Variants in CLSPN observed in about 807,000 individuals in gnomAD.
CLSPN encodes the protein claspin, also known as claspin homolog.
CLSPN carries 85 observed loss-of-function variants against 156.3 expected under a neutral mutation model. The observed-to-expected ratio is 0.54, with a 90% CI of 0.46 to 0.65. CLSPN has a LOEUF of 0.65. CLSPN is among the 30% of genes least tolerant of loss of function. CLSPN has a pLI of 0.00. For missense variants in CLSPN, 1,407 were observed against 1,554.9 expected, an observed-to-expected ratio of 0.90 and a Z score of 1.60; for synonymous variants, 534 against 542.4, an observed-to-expected ratio of 0.98 and a Z score of 0.22.
chr1:35,740,062 C>T (rs1398885970), intron 18 of CLSPN, among the ~76,000 whole-genome samples: 1 of 152,176 alleles, frequency 6.6e-6, no homozygotes, highest in Non-Finnish European at 1.5e-5. Flanking sequence ...AGCCAGAAAA[C>T]TCTTAATCTC....
In CLSPN at chr1:35,762,070, C is replaced by G; in HGVS notation, c.823G>C (p.Glu275Gln). Residue 275 changes from glutamate to glutamine, a missense_variant and splice_region_variant, in exon 6 of 25, where the codon GAA (glutamate) becomes CAA (glutamine). Physicochemically the swap from Glu to Gln is conservative, Grantham distance 29. This residue lies in a region of CLSPN where 1,096 missense variants were observed against 1,193.0 expected (regional missense o/e 0.92). Transcript: ENST00000318121. ...TTACTTAATCTGGCTGCCTTTCTTT[C>G]CTTAAAGAAAACAAGAAGTGAGACT... ...SELSKGTTRK[E>Q]RKAARLSKEA... is the part of the protein sequence containing the mutation. The G allele has an allele frequency of 6.2e-7, 1 of 1,603,350 alleles. No individual in the cohort carries two copies. Among genetic ancestry groups the G allele is most frequent in the Non-Finnish European group, 8.5e-7 (1 of 1,170,768 alleles).
exon 25 of CLSPN, chr1:35,720,774 T>C: frequency 1.5e-6 from 1 of 661,108 alleles, no homozygotes; most frequent in African/African-American, 1.8e-5. Flanking sequence ...GGCTCTCAGC[T>C]TTGGTGATCT....
At chr1:35,722,756 T>C (rs1455336837) in intron 24 of CLSPN, among the ~76,000 whole-genome samples, 2 of 151,964 alleles carry the variant, frequency 1.3e-5, no homozygotes, top group Non-Finnish European at 2.9e-5. Flanking sequence ...CTCAGCCTCC[T>C]GAGTAGCTGA....
intron 24 of CLSPN, among the ~76,000 whole-genome samples, chr1:35,723,327 A>T (rs1479187078): frequency 6.6e-6 from 1 of 152,224 alleles, no homozygotes. Context: ...CCAATGATGG[A>T]CAGCGGGTAA....
At chr1:35,757,642 A>G (rs1247937553) in intron 8 of CLSPN, among the ~76,000 whole-genome samples, 1 of 152,190 alleles carries the variant, frequency 6.6e-6, no homozygotes, top group East Asian at 1.9e-4. Context: ...GGTACTCAAA[A>G]AATGTTTCTC....
rs747245369 is a variant in CLSPN, at chr1:35,763,260, A to G, written c.644T>C (p.Phe215Ser). ...ATTTTCATCCTCCAACCCAGTTTCA[A>G]AAAGGTCTTTATCCACAAGAAGACA... ...SGCLLVDKDL[F>S]ETGLEDENNS... The change falls in exon 4 of 25, where the codon TTT becomes TCT. Residue 215 changes from phenylalanine to serine, a missense_variant. Transcript: ENST00000318121. The G allele has an allele frequency of 3.7e-6, 6 of 1,609,110 alleles. No individual in the cohort carries two copies. Among genetic ancestry groups the G allele is most frequent in the Admixed American group, 3.4e-5 (2 of 58,926 alleles).
At chr1:35,758,173 G>GTT (rs781405427) in intron 8 of CLSPN, among the ~76,000 whole-genome samples, 62 of 140,684 alleles carry the variant, frequency 4.4e-4, no homozygotes, top group Admixed American at 1.6e-3. Flanking sequence ...ATTTTTTTGT[G>GTT]TTTTTTTTTT....
intron 8 of CLSPN, among the ~76,000 whole-genome samples, 171 bp downstream of exon 8, chr1:35,760,171 T>C (rs1642424372): frequency 6.6e-6 from 1 of 152,170 alleles, no homozygotes; most frequent in African/African-American, 2.4e-5. Flanking sequence ...ATCATTCTGA[T>C]ACCCTGCCAA....
Position 35,726,063 on chromosome 1 carries a change from C to A in CLSPN, c.3910-5083G>T, listed in dbSNP as rs71649787. 2.9e-5 allele frequency among the ~76,000 whole-genome samples: 4 copies of A among 137,350 alleles called. No homozygotes were observed. The Admixed American group carries it at 3.3e-4, about 11-fold the overall frequency. The allele number at this position is 137,350 out of a possible 152,430, so 90.1% of individuals were successfully genotyped here. ...GCCTTAAATTCAGGCAAGCATCGTT[C>A]TTTGAGTTGGTTGCACCCAAACTCA... On this transcript the variant is annotated intron_variant, in intron 24 of 24. Transcript: ENST00000251195.
At position 35,747,913 on chromosome 1, in the gene CLSPN, G is replaced by C. The variant is rs1325872107; in HGVS notation, c.2621C>G (p.Ala874Gly). 27 of 1,613,130 alleles carry C rather than the reference G, an allele frequency of 1.7e-5. No individual in the cohort carries two copies. Among genetic ancestry groups the C allele is most frequent in the Non-Finnish European group, 2.2e-5 (26 of 1,179,788 alleles). Residue 874 changes from alanine to glycine, a missense_variant, in exon 14 of 25, where the codon GCA becomes GGA. Transcript: ENST00000318121. ...GAAACACAAAACTACCTACCCATCT[G>C]CATCCAACAGTTGGCTCTGAGTGTC... ...EDDTQSQLLD[A>G]DGFLNVRNHR...
chr1:35,737,918 A>T, intron 22 of CLSPN, 74 bp downstream of exon 22: 1 of 777,028 alleles, frequency 1.3e-6, no homozygotes, highest in Non-Finnish European at 2.0e-6. Context: ...CAGCTCCTGA[A>T]GGTTAGAGTC....
At chr1:35,751,608 C>A in intron 9 of CLSPN, 102 bp from the exon 10 acceptor site, 1 of 1,432,740 alleles carries the variant, frequency 7.0e-7, no homozygotes, top group Non-Finnish European at 9.2e-7. Context: ...AAAGGAAAAT[C>A]TGAGACTCTA....
chr1:35,724,514 C>T (rs1369456357), intron 24 of CLSPN, among the ~76,000 whole-genome samples: 1 of 152,192 alleles, frequency 6.6e-6, no homozygotes, highest in African/African-American at 2.4e-5. Context: ...GTTTCCATAT[C>T]AGAACAAAGC....
rs1296872126 is a variant in CLSPN at position 35,746,600 on chromosome 1, G to A, written c.2854+166C>T. 4.0e-5 allele frequency among the ~76,000 whole-genome samples: 6 copies of A among 148,848 alleles called. No individual in the cohort carries two copies. Among genetic ancestry groups the A allele is most frequent in the Non-Finnish European group, 7.4e-5 (5 of 67,358 alleles). Reference sequence around the variant, plus strand: ...TTTCGTAGAGATGGGGATTTGCCATGTTGCCCAGGCTGGTCTCAAACTTCT... The same window carrying A: ...TTTCGTAGAGATGGGGATTTGCCATATTGCCCAGGCTGGTCTCAAACTTCT... On this transcript the variant is annotated intron_variant, in intron 15 of 24. Transcript: ENST00000318121. This position sits in a 1 kb window ranked among gnomAD's most constrained non-coding sequence, Gnocchi z 4.2.
rs1478847806 is a variant in CLSPN, at chr1:35,737,385, A to G, written c.3701T>C (p.Leu1234Ser). The G allele has an allele frequency of 1.2e-6, 2 of 1,614,010 alleles. No individual in the cohort carries two copies. The highest frequency in any genetic ancestry group is 1.7e-5 in the Admixed American group (1 of 60,004). Reference sequence around the variant, plus strand: ...GATGGCTTCAAAAGGATTTCTGAGCAAAGACTTTGATTCCTGAATAACCAT... The same window carrying G: ...GATGGCTTCAAAAGGATTTCTGAGCGAAGACTTTGATTCCTGAATAACCAT... ...RPMVIQESKS[L>S]LRNPFEAIRP... The change falls in exon 23 of 25, where the codon TTG becomes TCG. Residue 1234 changes from leucine (L) to serine (S), a missense_variant. Physicochemically the swap from Leu to Ser is moderately radical, Grantham distance 145. Transcript: ENST00000318121.
In CLSPN at chr1:35,733,414, TA is replaced by T; in HGVS notation, c.*3081del. ...AAGCAATGCACCCACCTCAGTCTCC[TA>T]AAGTGCTGGCGTGAGCCACCGGACC... On this transcript the variant is annotated 3_prime_UTR_variant, in exon 25 of 25. Transcript: ENST00000318121. The T allele has an allele frequency of 1.0e-6, 1 of 965,152 alleles. No homozygotes were observed. Among genetic ancestry groups the T allele is most frequent in the Non-Finnish European group, 1.2e-6 (1 of 813,686 alleles). 59.8% of individuals were successfully genotyped at this position (965,152 alleles called of 1,614,324 possible). A position where few individuals can be genotyped will look rare whatever the true frequency, so the allele number is the denominator to read the frequency against.
rs200967861 is a variant in CLSPN at position 35,738,113 on chromosome 1, AAT to A, written c.3559-18_3559-17del. 6.9e-4 allele frequency: 251 copies of A among 362,826 alleles called. No individual in the cohort carries two copies. The highest frequency in any genetic ancestry group is 6.8e-3 in the African/African-American group (140 of 20,550). 22.5% of individuals were successfully genotyped at this position (362,826 alleles called of 1,614,324 possible). ...CCTGCTGTGCCTGAAAAAAAAAAAA[AAT>A]ATATATATATATATATATATATATA... On this transcript the variant is annotated splice_polypyrimidine_tract_variant and intron_variant, in intron 21 of 24. Coordinates refer to ENST00000318121, the MANE Select transcript of CLSPN (RefSeq NM_022111.4).
Position 35,749,830 on chromosome 1 carries a change from CACAAA to C in CLSPN, c.2029-24_2029-20del. 6.2e-7 allele frequency: 1 copy of C among 1,601,250 alleles called. No homozygotes were observed. Among genetic ancestry groups the C allele is most frequent in the African/African-American group, 1.4e-5 (1 of 74,024 alleles). Reference sequence around the variant, plus strand: ...CTGCAGTCTTTACCAATCAGGCCACCACAAAACAAAAAATACAAGTCAAAACATTT... The same window carrying C: ...CTGCAGTCTTTACCAATCAGGCCACCACAAAAAATACAAGTCAAAACATTT... On this transcript the variant is annotated intron_variant, in intron 10 of 24. Coordinates refer to ENST00000318121, the MANE Select transcript of CLSPN (RefSeq NM_022111.4).
chr1:35,728,106 G>A (rs1641235757), downstream of CLSPN, among the ~76,000 whole-genome samples: 3 of 142,324 alleles, frequency 2.1e-5, no homozygotes, highest in Admixed American at 1.4e-4. Context: ...TTTCTTTTGA[G>A]GCAGTCTCAC....
Sources: gnomAD v4.1 joint callset for allele counts (sites outside exome capture counted in the v4.1 genomes callset) on GRCh38, gnomAD v4.1.1 for gene constraint, gnomAD v4.1.1 regional missense constraint, Gnocchi (gnomAD v3.1) non-coding constraint, MANE v1.5 for transcripts, NCBI Gene and HGNC (gene_info 2026-07-23, HGNC 2026-07-21) for gene names.